Variants in AGBL1 observed in about 807,000 individuals in gnomAD.
The protein encoded by AGBL1 is AGBL carboxypeptidase 1.
AGBL1 carries 130 observed loss-of-function variants against 118.9 expected under a neutral mutation model. That is an observed-to-expected ratio of 1.09 (90% CI 0.95 to 1.26). The LOEUF (loss-of-function observed/expected upper bound fraction) is 1.26, where lower values mean the gene tolerates loss of function less well. AGBL1 is among the 50% of genes most tolerant of loss of function. The probability of loss-of-function intolerance (pLI) is 0.00; values close to 1 mark genes in which losing one functional copy is unlikely to be tolerated. For missense variants in AGBL1, 1,584 were observed against 1,298.1 expected, an observed-to-expected ratio of 1.22 and a Z score of -3.38; for synonymous variants, 555 against 478.9, an observed-to-expected ratio of 1.16 and a Z score of -2.08.
chr15:86,161,486 A>G (rs775538315), intron 5 of AGBL1, among the ~76,000 whole-genome samples: 9 of 152,220 alleles, frequency 5.9e-5, no homozygotes, highest in Non-Finnish European at 1.0e-4. Context: ...ACCCTGTCTG[A>G]TACATGAGCC....
intron 17 of AGBL1, among the ~76,000 whole-genome samples, chr15:86,359,920 T>G (rs1256493290): frequency 6.6e-6 from 1 of 152,016 alleles, no homozygotes; most frequent in African/African-American, 2.4e-5. Context: ...AATTTATCTA[T>G]TGGTACTAAA....
intron 22 of AGBL1, among the ~76,000 whole-genome samples, chr15:86,870,595 G>A (rs7171585): frequency 6.6e-6 from 1 of 150,676 alleles, no homozygotes; most frequent in Non-Finnish European, 1.5e-5. Flanking sequence ...TACATGAGCA[G>A]AAATATTCCT....
chr15:86,208,011 T>G (rs1195756406), intron 5 of AGBL1, among the ~76,000 whole-genome samples: 3 of 29,364 alleles, frequency 1.0e-4, no homozygotes, highest in Non-Finnish European at 1.9e-4. Flanking sequence ...TTATTGAGAG[T>G]TTTTTTTTTT....
intron 5 of AGBL1, among the ~76,000 whole-genome samples, chr15:86,173,835 G>A (rs1298747849): frequency 1.3e-5 from 2 of 152,098 alleles, no homozygotes; most frequent in African/African-American, 4.8e-5. Flanking sequence ...ATGCTGATTT[G>A]GTTGCTATAG....
intron 22 of AGBL1, among the ~76,000 whole-genome samples, chr15:86,728,966 A>G (rs1255251697): frequency 6.6e-6 from 1 of 152,234 alleles, no homozygotes; most frequent in Non-Finnish European, 1.5e-5. Context: ...TACAGAGTTC[A>G]GTACATTTAG....
chr15:86,511,095 A>C (rs897343095), intron 18 of AGBL1, among the ~76,000 whole-genome samples: 11 of 152,134 alleles, frequency 7.2e-5, no homozygotes, highest in African/African-American at 2.7e-4. Context: ...ATGTGTGGTG[A>C]ATTAGTGAAT....
At chr15:86,442,232 T>G (rs1299764476) in intron 18 of AGBL1, among the ~76,000 whole-genome samples, 2 of 152,204 alleles carry the variant, frequency 1.3e-5, no homozygotes, top group African/African-American at 2.4e-5. Flanking sequence ...GCTTTGAATC[T>G]GAGGAGCAGG....
intron 22 of AGBL1, among the ~76,000 whole-genome samples, chr15:86,680,657 C>T (rs2085938135): frequency 1.4e-5 from 2 of 144,326 alleles, no homozygotes; most frequent in Admixed American, 1.4e-4. Context: ...ACCTCTGCCT[C>T]CTGGGTACAA....
At chr15:86,734,367 C>T (rs1198637526) in intron 22 of AGBL1, among the ~76,000 whole-genome samples, 1 of 152,050 alleles carries the variant, frequency 6.6e-6, no homozygotes, top group East Asian at 1.9e-4. Context: ...AGAAGTATGG[C>T]ATGACAGGTT....
rs2081388541 is a variant in AGBL1 at position 86,397,648 on chromosome 15, C to T, written c.2555+102C>T. 5.6e-6 allele frequency: 6 copies of T among 1,062,504 alleles called. No individual in the cohort carries two copies. In the South Asian group the frequency reaches 7.2e-5, roughly 13 times the overall value. The allele number at this position is 1,062,504 out of a possible 1,614,324, so 65.8% of individuals were successfully genotyped here. On this transcript the variant is annotated intron_variant, in intron 18 of 22. Coordinates refer to ENST00000614907, the MANE Select transcript of AGBL1 (RefSeq NM_001386094.1). Reference sequence around the variant, plus strand: ...GATTGGAGAGGCCTCGGTACTCTGTCGAGAATAAACTCTTGGTTTTCTGTT... The same window carrying T: ...GATTGGAGAGGCCTCGGTACTCTGTTGAGAATAAACTCTTGGTTTTCTGTT...
At chr15:86,409,705 G>T (rs2081583585) in intron 18 of AGBL1, among the ~76,000 whole-genome samples, 1 of 152,130 alleles carries the variant, frequency 6.6e-6, no homozygotes, top group South Asian at 2.1e-4. Context: ...TCACTTCCCA[G>T]AAGCATTAAA....
intron 5 of AGBL1, among the ~76,000 whole-genome samples, chr15:86,177,506 C>A (rs2077497224): frequency 6.6e-6 from 1 of 152,142 alleles, no homozygotes; most frequent in Non-Finnish European, 1.5e-5. Context: ...TTCTTTTCAA[C>A]TGCAATGGAA....
intron 1 of AGBL1, among the ~76,000 whole-genome samples, chr15:86,135,017 G>A (rs2076870454): frequency 6.6e-6 from 1 of 152,096 alleles, no homozygotes; most frequent in South Asian, 2.1e-4. Context: ...CAATGTTGGA[G>A]TTGGGGCCTA....
chr15:86,872,976 G>A (rs1206031773), intron 22 of AGBL1, among the ~76,000 whole-genome samples: 4 of 152,128 alleles, frequency 2.6e-5, no homozygotes, highest in African/African-American at 9.7e-5. Context: ...CAGTCACAGT[G>A]TCTACCAGAC....
chr15:86,182,924 G>C (rs1340800810), intron 5 of AGBL1, among the ~76,000 whole-genome samples: 2 of 152,198 alleles, frequency 1.3e-5, no homozygotes, highest in African/African-American at 4.8e-5. Context: ...CATAGCAAGA[G>C]ATGTTGTTAT....
intron 22 of AGBL1, among the ~76,000 whole-genome samples, chr15:86,765,454 AG>A (rs1371399892): frequency 6.6e-6 from 1 of 151,984 alleles, no homozygotes; most frequent in Non-Finnish European, 1.5e-5. Context: ...TAGCGAGGGC[AG>A]GAAAGGGCAC....
intron 22 of AGBL1, among the ~76,000 whole-genome samples, chr15:86,707,681 ACTTT>A (rs948494854): frequency 6.6e-6 from 1 of 152,112 alleles, no homozygotes; most frequent in African/African-American, 2.4e-5. Context: ...TTTTTTCTGG[ACTTT>A]CTTTATAAAA....
chr15:87,027,580 C>T (rs986586646), intron 24 of AGBL1, among the ~76,000 whole-genome samples: 2 of 151,652 alleles, frequency 1.3e-5, no homozygotes, highest in African/African-American at 2.4e-5. Context: ...GATACATGCA[C>T]GTTTATGTTC....
intron 18 of AGBL1, among the ~76,000 whole-genome samples, chr15:86,501,033 T>A (rs1271780621): frequency 6.6e-6 from 1 of 151,700 alleles, no homozygotes; most frequent in African/African-American, 2.4e-5. Flanking sequence ...AATTGTCGGA[T>A]CATATGGTGC....
Sources: gnomAD v4.1 joint callset for allele counts (sites outside exome capture counted in the v4.1 genomes callset) on GRCh38, gnomAD v4.1.1 for gene constraint, MANE v1.5 for transcripts, NCBI Gene and HGNC (gene_info 2026-07-23, HGNC 2026-07-21) for gene names.